DHX30: variants seen among roughly 807,000 people sequenced by gnomAD.
DHX30 encodes the protein ATP-dependent RNA helicase DHX30.
A neutral mutation model predicts 116.9 loss-of-function variants in DHX30; 4 were observed. That is an observed-to-expected ratio of 0.03 (90% CI 0.02 to 0.08). DHX30 has a LOEUF of 0.08. Among genes scored for constraint, DHX30 ranks in the 10% least tolerant of loss-of-function variants. The pLI is 1.00. For synonymous variants in DHX30, 697 were observed against 651.7 expected (o/e 1.07, Z -1.06); for missense variants, 871 against 1,595.1 (o/e 0.55, Z 7.73).
intron 4 of DHX30, chr3:47,824,853 C>T: frequency 4.4e-6 from 2 of 456,800 alleles, no homozygotes; most frequent in South Asian, 4.3e-5. Flanking sequence ...TAGCCCTGGG[C>T]AGCGCCGAGC....
intron 4 of DHX30, among the ~76,000 whole-genome samples, chr3:47,820,906 CTT>C (rs71281896): frequency 1.8e-4 from 25 of 137,428 alleles, no homozygotes; most frequent in Admixed American, 2.2e-4. Flanking sequence ...AAGGCTCTCT[CTT>C]TTTTTTTTTT....
At chr3:47,809,079 AC>A (rs1316940011) in intron 2 of DHX30, among the ~76,000 whole-genome samples, 1 of 150,554 alleles carries the variant, frequency 6.6e-6, no homozygotes, top group Non-Finnish European at 1.5e-5. Context: ...TTTAGTAGAG[AC>A]GGGGTCATGT....
chr3:47,829,336 G>A (rs1009258137), intron 6 of DHX30, among the ~76,000 whole-genome samples: 1 of 62,864 alleles, frequency 1.6e-5, no homozygotes, highest in Admixed American at 1.9e-4. Flanking sequence ...TTTTTCCTGT[G>A]TTTTTGGTTT....
chr3:47,837,099 A>AGAGGCTTATGCTT (rs11270376), intron 6 of DHX30, among the ~76,000 whole-genome samples: 91,422 of 151,816 alleles, frequency 0.6, 28,885 homozygotes, highest in East Asian at 0.72. Context: ...CCTAAATAGA[A>AGAGGCTTATGCTT]GAGGCTTATT....
intron 2 of DHX30, among the ~76,000 whole-genome samples, chr3:47,809,846 A>C (rs1337118588): frequency 6.6e-6 from 1 of 151,796 alleles, no homozygotes; most frequent in African/African-American, 2.4e-5. Flanking sequence ...TTTTAAACAA[A>C]GTCCATTTAA....
chr3:47,810,761 G>T (rs1383905079), intron 3 of DHX30, 50 bp downstream of exon 3: 9 of 1,587,408 alleles, frequency 5.7e-6, no homozygotes, highest in Non-Finnish European at 6.1e-6. Flanking sequence ...TATTGGGATG[G>T]GCAGCTCTGA....
intron 7 of DHX30, 98 bp downstream of exon 7, chr3:47,841,276 C>G: frequency 6.7e-7 from 1 of 1,495,588 alleles, no homozygotes; most frequent in African/African-American, 1.4e-5. Flanking sequence ...TGGGAGCGCC[C>G]CTGCCTCACA....
intron 4 of DHX30, among the ~76,000 whole-genome samples, chr3:47,826,715 G>A (rs1189160781): frequency 6.6e-6 from 1 of 152,156 alleles, no homozygotes; most frequent in Admixed American, 6.5e-5. Context: ...GCCTCCCAAA[G>A]TGCTGGGATT....
At chr3:47,807,644 G>A (rs992010244) in intron 2 of DHX30, among the ~76,000 whole-genome samples, 1 of 143,364 alleles carries the variant, frequency 7.0e-6, no homozygotes, top group African/African-American at 2.6e-5. Context: ...GGTGGAGGTT[G>A]CAGTAAGCTG....
chr3:47,843,003 TG>T, intron 8 of DHX30, 102 bp from the exon 9 acceptor site: 1 of 1,421,210 alleles, frequency 7.0e-7, no homozygotes, highest in South Asian at 1.3e-5. Flanking sequence ...CCTGCTGAGA[TG>T]GTGGCTCATT....
intron 3 of DHX30, chr3:47,816,161 A>G (rs1225387489): frequency 1.0e-6 from 1 of 979,724 alleles, no homozygotes; most frequent in Non-Finnish European, 1.2e-6. Context: ...TACCTATAAA[A>G]TAAAAAGAAA....
intron 6 of DHX30, among the ~76,000 whole-genome samples, chr3:47,839,280 CTTTTTTTTTT>C (rs59932351): frequency 7.7e-6 from 1 of 129,806 alleles, no homozygotes; most frequent in African/African-American, 3.0e-5. Flanking sequence ...CTTATATTCT[CTTTTTTTTTT>C]TTTTTTTTTT....
intron 3 of DHX30, among the ~76,000 whole-genome samples, chr3:47,812,145 C>T (rs561551554): frequency 4.6e-5 from 7 of 150,674 alleles, no homozygotes; most frequent in African/African-American, 9.8e-5. Context: ...AGGAGAATCG[C>T]TTGAACCTGG....
chr3:47,831,075 A>G (rs941530770), intron 6 of DHX30: 7 of 151,962 alleles, frequency 4.6e-5, no homozygotes, highest in Middle Eastern at 3.4e-3. Context: ...TGTTCCTGTA[A>G]TAGTCCATTG....
At chr3:47,827,986 G>C (rs1455806917) in intron 5 of DHX30, among the ~76,000 whole-genome samples, 1 of 151,968 alleles carries the variant, frequency 6.6e-6, no homozygotes, top group African/African-American at 2.4e-5. Context: ...AGCCTCCAAA[G>C]TAGCTGGGAC....
chr3:47,805,341 C>T lies in DHX30; in HGVS notation c.-107C>T. 2.5e-6 allele frequency: 1 copy of T among 399,014 alleles called. No individual in the cohort carries two copies. The allele number at this position is 399,014 out of a possible 1,614,324, so 24.7% of individuals were successfully genotyped here. On this transcript the variant is annotated 5_prime_UTR_variant, in exon 2 of 22. Transcript: ENST00000445061. ...TACTTCTCAGGAGGAGGCCCAGCCT[C>T]GTGATGAGGAATAGCAAGGAGAGAA...
At chr3:47,833,552 A>AG (rs1475667241) in intron 6 of DHX30, among the ~76,000 whole-genome samples, 3 of 150,168 alleles carry the variant, frequency 2.0e-5, no homozygotes, top group Admixed American at 6.7e-5. Flanking sequence ...AAAAAAAAAA[A>AG]AAAAAAGAAA....
chr3:47,809,562 G>T (rs904246142), intron 2 of DHX30, among the ~76,000 whole-genome samples: 1 of 152,142 alleles, frequency 6.6e-6, no homozygotes, highest in Admixed American at 6.6e-5. Flanking sequence ...ACTTCTTAAA[G>T]TAAATGTTAT....
At position 47,847,619 on chromosome 3, in the gene DHX30, G is replaced by A; in HGVS notation, c.2110+83G>A. 2.0e-6 allele frequency: 3 copies of A among 1,468,472 alleles called. No individual in the cohort carries two copies. The highest frequency in any genetic ancestry group is 2.7e-6 in the Non-Finnish European group (3 of 1,096,582). 91.0% of individuals were successfully genotyped at this position (1,468,472 alleles called of 1,614,324 possible). ...AGGGACTGACCCAACTGGGACTCCA[G>A]GGGCCCCGGTTTCTGACCAAGCTGT... On this transcript the variant is annotated intron_variant, in intron 13 of 21. Transcript: ENST00000445061. The surrounding 1 kb of genome is among the most constrained non-coding windows in gnomAD (Gnocchi z 5.5).
Sources: allele counts gnomAD v4.1 joint callset (sites outside exome capture counted in the v4.1 genomes callset), GRCh38; gene constraint gnomAD v4.1.1; non-coding constraint Gnocchi (gnomAD v3.1); transcripts MANE v1.5; gene names NCBI Gene and HGNC (gene_info 2026-07-23, HGNC 2026-07-21).